The following MSRA variants were observed in gnomAD, a reference collection of about 807,000 sequenced individuals.
MSRA encodes the protein mitochondrial peptide methionine sulfoxide reductase.
A neutral mutation model predicts 31.3 loss-of-function variants in MSRA; 54 were observed. The observed-to-expected ratio is 1.73, with a 90% confidence interval of 1.39 to 2.17. The LOEUF is 2.17. MSRA is among the 30% of genes most tolerant of loss of function. The pLI, the probability that MSRA is intolerant of heterozygous loss-of-function variation, is 0.00. For synonymous variants in MSRA, 169 were observed against 116.5 expected, an observed-to-expected ratio of 1.45 and a Z score of -2.90; for missense variants, 507 against 300.9, an observed-to-expected ratio of 1.69 and a Z score of -5.07.
At chr8:10,403,253 G>C (rs945515255) in intron 5 of MSRA, among the ~76,000 whole-genome samples, 1 of 152,216 alleles carries the variant, frequency 6.6e-6, no homozygotes, top group Non-Finnish European at 1.5e-5. Context: ...TGGCAGATGG[G>C]AAGGCTTCAG....
At chr8:10,422,827 C>G (rs1233400725) in intron 5 of MSRA, among the ~76,000 whole-genome samples, 2 of 152,322 alleles carry the variant, frequency 1.3e-5, no homozygotes, top group South Asian at 4.1e-4. Flanking sequence ...AAGAGCACCT[C>G]TTTCCAGGCT....
intron 3 of MSRA, among the ~76,000 whole-genome samples, chr8:10,275,469 A>G (rs1353175739): frequency 1.3e-5 from 2 of 152,244 alleles, no homozygotes; most frequent in Non-Finnish European, 2.9e-5. Context: ...TGGAGTTGTG[A>G]AACAGAAATG....
intron 5 of MSRA, among the ~76,000 whole-genome samples, chr8:10,420,202 C>G (rs1808725392): frequency 8.0e-6 from 1 of 125,376 alleles, no homozygotes; most frequent in African/African-American, 2.6e-5. Flanking sequence ...TGTGGAATTC[C>G]ATGTATATGA....
intron 5 of MSRA, among the ~76,000 whole-genome samples, chr8:10,378,274 C>T (rs1318226023): frequency 4.6e-5 from 7 of 152,128 alleles, no homozygotes; most frequent in African/African-American, 9.7e-5. Context: ...TAGCAGCCTG[C>T]GTTCCTTCTG....
At chr8:10,237,046 G>A (rs1463083050) in intron 2 of MSRA, among the ~76,000 whole-genome samples, 1 of 152,140 alleles carries the variant, frequency 6.6e-6, no homozygotes, top group Non-Finnish European at 1.5e-5. Context: ...TTATTTATAA[G>A]GGCTCTAGAA....
At chr8:10,162,734 T>A (rs1205807215) in intron 1 of MSRA, among the ~76,000 whole-genome samples, 2 of 152,218 alleles carry the variant, frequency 1.3e-5, no homozygotes, top group African/African-American at 4.8e-5. Context: ...CCATCTCATT[T>A]AGTGCTTATG....
intron 2 of MSRA, among the ~76,000 whole-genome samples, chr8:10,216,625 C>A (rs933214574): frequency 3.3e-5 from 5 of 152,188 alleles, no homozygotes; most frequent in Non-Finnish European, 5.9e-5. Context: ...TCCTGTCTGT[C>A]TAAATTTGAC....
At chr8:10,427,645 G>C (rs533668030) in intron 5 of MSRA, among the ~76,000 whole-genome samples, 2 of 152,260 alleles carry the variant, frequency 1.3e-5, no homozygotes, top group South Asian at 2.1e-4. Flanking sequence ...TCCTGAGCTG[G>C]TGGGCAGATG....
intron 1 of MSRA, among the ~76,000 whole-genome samples, chr8:10,199,471 C>T (rs1300129301): frequency 6.6e-6 from 1 of 152,166 alleles, no homozygotes; most frequent in Non-Finnish European, 1.5e-5. Context: ...AAATGCGCGC[C>T]ACCGTGCCCT....
chr8:10,342,442 A>G lies in MSRA; in HGVS notation c.543+22453A>G, dbSNP rs148069331. Among the ~76,000 whole-genome samples, 732 of 152,360 alleles carry G rather than the reference A, an allele frequency of 4.8e-3. 1 individual carries two copies. The highest frequency in any genetic ancestry group is 0.016 in the African/African-American group (678 of 41,588). ...TGAGAGAATAAGAGTGAACAGGGAAATATATCTTAGCATGATGATAAGAAT... is the reference window on the plus strand; with the variant it reads ...TGAGAGAATAAGAGTGAACAGGGAAGTATATCTTAGCATGATGATAAGAAT... On this transcript the variant is annotated intron_variant, in intron 5 of 5. Coordinates refer to ENST00000317173, the MANE Select transcript of MSRA (RefSeq NM_012331.5).
chr8:10,374,222 AGTAAACTTACAGAAT>A (rs1260864880), intron 5 of MSRA, among the ~76,000 whole-genome samples: 3 of 152,230 alleles, frequency 2.0e-5, no homozygotes, highest in Admixed American at 2.0e-4. Context: ...CAAGTACAGA[AGTAAACTTACAGAAT>A]GTAATTTTGA....
intron 1 of MSRA, among the ~76,000 whole-genome samples, chr8:10,069,558 C>T (rs191601327): frequency 6.6e-6 from 1 of 152,330 alleles, no homozygotes; most frequent in Admixed American, 6.5e-5. Flanking sequence ...GAAGGCTGTT[C>T]TCTGCTTCAA....
intron 2 of MSRA, among the ~76,000 whole-genome samples, chr8:10,241,420 TA>T (rs939017262): frequency 3.9e-5 from 6 of 152,154 alleles, no homozygotes; most frequent in African/African-American, 1.4e-4. Flanking sequence ...CAAATATGTT[TA>T]AATGAATATG....
intron 1 of MSRA, among the ~76,000 whole-genome samples, chr8:10,154,427 G>C (rs1348074669): frequency 6.6e-6 from 1 of 151,848 alleles, no homozygotes; most frequent in African/African-American, 2.4e-5. Flanking sequence ...GCCCAGGCTG[G>C]AGTGCAGTGG....
At chr8:10,195,162 T>C (rs1057329940) in intron 1 of MSRA, among the ~76,000 whole-genome samples, 6 of 152,258 alleles carry the variant, frequency 3.9e-5, no homozygotes, top group African/African-American at 1.4e-4. Context: ...TTGTGATGAC[T>C]GTCTTTGTCC....
At chr8:10,250,658 G>A (rs1797867941) in intron 3 of MSRA, 3 of 594,918 alleles carry the variant, frequency 5.0e-6, no homozygotes, top group Non-Finnish European at 9.0e-6. Context: ...GGTGTGGGAA[G>A]AGCGGAGTGT....
At chr8:10,422,480 T>C (rs1032462360) in intron 5 of MSRA, among the ~76,000 whole-genome samples, 3 of 152,150 alleles carry the variant, frequency 2.0e-5, no homozygotes, top group Non-Finnish European at 4.4e-5. Context: ...AAAACACAAA[T>C]GACCAATTCT....
chr8:10,234,594 A>G (rs777599462), intron 2 of MSRA, among the ~76,000 whole-genome samples: 15 of 152,132 alleles, frequency 9.9e-5, no homozygotes, highest in Admixed American at 6.5e-4. Context: ...TATGGAAAGA[A>G]GTTTAAATAG....
At chr8:10,069,378 G>A (rs1651428141) in intron 1 of MSRA, among the ~76,000 whole-genome samples, 1 of 152,214 alleles carries the variant, frequency 6.6e-6, no homozygotes, top group Non-Finnish European at 1.5e-5. Context: ...TTTTAGGTAT[G>A]ATATTAGCTC....
Sources: gnomAD v4.1 joint callset for allele counts (sites outside exome capture counted in the v4.1 genomes callset) on GRCh38, gnomAD v4.1.1 for gene constraint, MANE v1.5 for transcripts, NCBI Gene and HGNC (gene_info 2026-07-23, HGNC 2026-07-21) for gene names.